The following SDSL variants were observed in gnomAD, a reference collection of about 807,000 sequenced individuals.
The protein encoded by SDSL is serine dehydratase like.
SDSL carries 26 observed loss-of-function variants against 27.6 expected under a neutral mutation model. The observed-to-expected ratio is 0.94, with a 90% confidence interval of 0.69 to 1.31. The LOEUF is 1.31. SDSL is among the 50% of genes most tolerant of loss of function. The pLI is 0.00. For synonymous variants in SDSL, 196 were observed against 180.6 expected (o/e 1.09, Z -0.69); for missense variants, 431 against 423.5 (o/e 1.02, Z -0.16).
intron 6 of SDSL, among the ~76,000 whole-genome samples, chr12:113,436,498 G>T (rs1183057805): frequency 1.3e-5 from 2 of 152,258 alleles, no homozygotes; most frequent in African/African-American, 4.8e-5. Context: ...ATGTTGGTCA[G>T]GCTGGTCTTG....
chr12:113,425,552 G>A (rs1483028869), intron 1 of SDSL: 13 of 413,888 alleles, frequency 3.1e-5, no homozygotes, highest in Admixed American at 2.8e-4. Context: ...GGTGGGGACC[G>A]GCCCAGTGCT....
At chr12:113,436,296 T>C (rs1593316452) in intron 6 of SDSL, among the ~76,000 whole-genome samples, 1 of 152,034 alleles carries the variant, frequency 6.6e-6, no homozygotes, top group African/African-American at 2.4e-5. Flanking sequence ...GATGAGCATT[T>C]TTTTTTTTTT....
chr12:113,429,401 G>A, intron 4 of SDSL, 102 bp downstream of exon 4: 1 of 1,300,904 alleles, frequency 7.7e-7, no homozygotes, highest in Non-Finnish European at 1.1e-6. Flanking sequence ...GATGAGCTGT[G>A]GCTGGGACCC....
chr12:113,429,682 A>C (rs994334249), intron 4 of SDSL, among the ~76,000 whole-genome samples: 1 of 152,188 alleles, frequency 6.6e-6, no homozygotes, highest in Non-Finnish European at 1.5e-5. Context: ...AGACCACCCC[A>C]ATAGAAATGG....
chr12:113,425,142 G>A (rs1350251824), intron 1 of SDSL, among the ~76,000 whole-genome samples: 1 of 152,140 alleles, frequency 6.6e-6, no homozygotes, highest in African/African-American at 2.4e-5. Context: ...CACTTGTTTG[G>A]GTCACACAGC....
At position 113,435,517 on chromosome 12, in the gene SDSL, T is replaced by C. The variant is rs1957979409; in HGVS notation, c.632T>C (p.Ile211Thr). The C allele has an allele frequency of 6.2e-7, 1 of 1,613,800 alleles. No homozygotes were observed. Among genetic ancestry groups the C allele is most frequent in the Non-Finnish European group, 8.5e-7 (1 of 1,179,906 alleles). Residue 211 changes from isoleucine (I) to threonine (T), a missense_variant, in exon 6 of 8, where the codon ATC (isoleucine) becomes ACC (threonine). Transcript: ENST00000403593. ...GGGGCACACTGCTTCAATGCGGCCA[T>C]CACAGCCGGCAAGCTGGTCACACTT... Reference protein sequence around the residue: ...THGAHCFNAAITAGKLVTLPD... With the variant: ...THGAHCFNAATTAGKLVTLPD...
At position 113,437,808 on chromosome 12, in the gene SDSL, T is replaced by C. The variant is rs1288524674; in HGVS notation, c.797-78T>C. On this transcript the variant is annotated intron_variant, in intron 7 of 7. Transcript: ENST00000403593. ...GGCTGGAGAGATGGCTGCAAGGATC[T>C]GCCGTGCCCAGGGCCTGCTGAGCAC... is the stretch of plus-strand genomic sequence containing the variant. 4 of 1,297,952 alleles carry C rather than the reference T, an allele frequency of 3.1e-6. 1 individual carries two copies. The highest frequency in any genetic ancestry group is 5.2e-4 in the Middle Eastern group (2 of 3,868). The allele number at this position is 1,297,952 out of a possible 1,614,324, so 80.4% of individuals were successfully genotyped here. A position where few individuals can be genotyped will look rare whatever the true frequency, so the allele number is the denominator to read the frequency against.
chr12:113,435,199 G>A, intron 5 of SDSL, 130 bp from the exon 6 acceptor site: 2 of 563,550 alleles, frequency 3.5e-6, no homozygotes, highest in Non-Finnish European at 3.1e-6. Context: ...GATGGGATGG[G>A]GATGGTGGGG....
intron 7 of SDSL, 66 bp from the exon 8 acceptor site, chr12:113,437,820 G>C: frequency 7.1e-7 from 1 of 1,415,970 alleles, no homozygotes; most frequent in Non-Finnish European, 9.6e-7. Context: ...CCGTGCCCAG[G>C]GCCTGCTGAG....
At chr12:113,428,195 G>A in intron 2 of SDSL, 39 bp downstream of exon 2, 1 of 1,564,714 alleles carries the variant, frequency 6.4e-7, no homozygotes, top group Non-Finnish European at 8.7e-7. Flanking sequence ...GTGAGGTTGT[G>A]CAGGAGGGAG....
chr12:113,432,286 TTCTTTCTCTCTCTC>T (rs1565879254), intron 4 of SDSL, among the ~76,000 whole-genome samples: 3 of 88,500 alleles, frequency 3.4e-5, no homozygotes, highest in African/African-American at 1.3e-4. Flanking sequence ...CTTTCTTTCT[TTCTTTCTCTCTCTC>T]TCTTTCTGTC....
intron 4 of SDSL, 94 bp downstream of exon 4, chr12:113,429,393 T>C: frequency 7.3e-7 from 1 of 1,374,404 alleles, no homozygotes; most frequent in African/African-American, 1.4e-5. Context: ...TTCCTTTCGA[T>C]GAGCTGTGGC....
intron 4 of SDSL, among the ~76,000 whole-genome samples, chr12:113,431,007 A>C (rs1402940153): frequency 6.6e-6 from 1 of 152,228 alleles, no homozygotes; most frequent in Non-Finnish European, 1.5e-5. Flanking sequence ...GCTGTGCCTT[A>C]GATTTGGGGA....
chr12:113,426,059 G>A (rs962305495), intron 1 of SDSL: 3 of 414,130 alleles, frequency 7.2e-6, no homozygotes, highest in African/African-American at 6.1e-5. Context: ...ATTGCAGGTA[G>A]AATTTGAATA....
Position 113,438,033 on chromosome 12 carries a change from A to G in SDSL, c.944A>G (p.Asn315Ser). Reference sequence around the variant, plus strand: ...ATCGTGTGTGGAGGCAACAACATCAACAGCCGAGAGCTGCAGGCTTTGAAA... The same window carrying G: ...ATCGTGTGTGGAGGCAACAACATCAGCAGCCGAGAGCTGCAGGCTTTGAAA... ...VVIVCGGNNI[N>S]SRELQALKTH... Residue 315 changes from asparagine to serine, a missense_variant, in exon 8 of 8, where the codon AAC becomes AGC. Transcript: ENST00000403593. The G allele has an allele frequency of 1.2e-6, 2 of 1,614,166 alleles. No homozygotes were observed. The highest frequency in any genetic ancestry group is 1.7e-5 in the Admixed American group (1 of 60,028).
chr12:113,426,973 C>T (rs1957857752), intron 1 of SDSL, among the ~76,000 whole-genome samples: 1 of 151,986 alleles, frequency 6.6e-6, no homozygotes, highest in African/African-American at 2.4e-5. Flanking sequence ...GAGAGACATG[C>T]TGAAATATTT....
At position 113,437,974 on chromosome 12, in the gene SDSL, C is replaced by G; in HGVS notation, c.885C>G (p.Gly295=). The G allele has an allele frequency of 6.2e-7, 1 of 1,614,134 alleles. No individual in the cohort carries two copies. ...SGLLRRLQAE[G]CLPPSLTSVV... ...TCCTGCGGAGGCTCCAGGCCGAGGG[C>G]TGCCTGCCCCCTTCCCTGACTTCAG... Residue 295 remains glycine (G), a synonymous_variant, in exon 8 of 8, where the codon GGC becomes GGG. Coordinates refer to ENST00000403593, the MANE Select transcript of SDSL (RefSeq NM_001304993.2).
In SDSL at chr12:113,436,804, T is replaced by A. The variant is rs767107963; in HGVS notation, c.725T>A (p.Met242Lys). The A allele has an allele frequency of 6.2e-6, 10 of 1,612,252 alleles. No individual in the cohort carries two copies. Among genetic ancestry groups the A allele is most frequent in the South Asian group, 3.3e-5 (3 of 90,908 alleles). The change falls in exon 7 of 8, where the codon ATG becomes AAG. Residue 242 changes from methionine to lysine, a missense_variant. Physicochemically the swap from Met to Lys is moderately conservative, Grantham distance 95. Coordinates refer to ENST00000403593, the MANE Select transcript of SDSL (RefSeq NM_001304993.2). ...KTVAARALEC[M>K]QVCKIHSEVV... ...GTGGCCGCTCGGGCCCTGGAGTGCA[T>A]GCAGGTGTGCAAGATTCACTCTGAA...
rs1958020727 is a variant in SDSL, at chr12:113,437,957, A to C, written c.868A>C (p.Arg290=). 1.9e-6 allele frequency: 3 copies of C among 1,614,072 alleles called. No individual in the cohort carries two copies. The highest frequency in any genetic ancestry group is 2.5e-6 in the Non-Finnish European group (3 of 1,179,948). ...LAAIYSGLLR[R]LQAEGCLPPS... ...AGCCATCTACTCAGGCCTCCTGCGGAGGCTCCAGGCCGAGGGCTGCCTGCC... is the reference window on the plus strand; with the variant it reads ...AGCCATCTACTCAGGCCTCCTGCGGCGGCTCCAGGCCGAGGGCTGCCTGCC... Residue 290 remains arginine (R), a synonymous_variant, in exon 8 of 8, where the codon AGG becomes CGG. Transcript: ENST00000403593.
Sources: allele counts gnomAD v4.1 joint callset (sites outside exome capture counted in the v4.1 genomes callset), GRCh38; gene constraint gnomAD v4.1.1; transcripts MANE v1.5; gene names NCBI Gene and HGNC (gene_info 2026-07-23, HGNC 2026-07-21).